Variants in TAF1B observed in about 807,000 individuals in gnomAD.
TAF1B encodes TATA box-binding protein-associated factor RNA polymerase I subunit B.
Under a neutral mutation model 83.9 loss-of-function variants are expected in TAF1B, and 61 were observed. The observed-to-expected ratio is 0.73, with a 90% confidence interval of 0.59 to 0.90. TAF1B has a LOEUF of 0.90. Ranked by LOEUF, TAF1B falls within the 40% of genes least tolerant of loss-of-function variation. TAF1B has a pLI of 0.00. For synonymous variants in TAF1B, 221 were observed against 224.6 expected (o/e 0.98, Z 0.14); for missense variants, 625 against 677.0 (o/e 0.92, Z 0.85).
intron 6 of TAF1B, 21 bp downstream of exon 6, chr2:9,868,450 A>T (rs750023827): frequency 6.3e-7 from 1 of 1,594,502 alleles, no homozygotes; most frequent in Admixed American, 1.8e-5. Context: ...GAACCAAACC[A>T]TTTCGAATTT....
intron 12 of TAF1B, 90 bp from the exon 13 acceptor site, chr2:9,918,951 A>C: frequency 8.8e-7 from 1 of 1,133,206 alleles, no homozygotes; most frequent in Non-Finnish European, 1.3e-6. Flanking sequence ...GCTATAACGA[A>C]ATATCAGAAA....
At chr2:9,906,164 A>G (rs1184022665) in intron 9 of TAF1B, among the ~76,000 whole-genome samples, 1 of 152,208 alleles carries the variant, frequency 6.6e-6, no homozygotes, top group Non-Finnish European at 1.5e-5. Flanking sequence ...AATACCAGGG[A>G]TTATCAAAAT....
At chr2:9,918,888 C>T (rs1227506414) in intron 12 of TAF1B, among the ~76,000 whole-genome samples, 153 bp from the exon 13 acceptor site, 1 of 152,166 alleles carries the variant, frequency 6.6e-6, no homozygotes, top group Non-Finnish European at 1.5e-5. Flanking sequence ...CCTTCTAGGG[C>T]CTAAGTTCAA....
intron 7 of TAF1B, among the ~76,000 whole-genome samples, chr2:9,878,073 G>A (rs1171492693): frequency 6.6e-6 from 1 of 152,116 alleles, no homozygotes; most frequent in East Asian, 1.9e-4. Context: ...TCAAAATGTG[G>A]CCTCCTGACT....
chr2:9,851,289 C>A (rs962852007), intron 3 of TAF1B, among the ~76,000 whole-genome samples: 2 of 151,780 alleles, frequency 1.3e-5, no homozygotes, highest in African/African-American at 4.8e-5. Context: ...CATTTGAAAT[C>A]GGAAATTATA....
intron 14 of TAF1B, among the ~76,000 whole-genome samples, chr2:9,927,781 G>A (rs566022946): frequency 6.6e-5 from 10 of 152,130 alleles, no homozygotes; most frequent in Non-Finnish European, 1.3e-4. Context: ...TTTGTCAGAT[G>A]GGTAGATTGA....
intron 6 of TAF1B, chr2:9,868,707 GAAAGA>G (rs1308824228): frequency 1.7e-6 from 1 of 574,208 alleles, no homozygotes; most frequent in Non-Finnish European, 3.4e-6. Context: ...GGCTGCTTCA[GAAAGA>G]TCTATATGTG....
intron 9 of TAF1B, among the ~76,000 whole-genome samples, chr2:9,908,459 A>G (rs1665418640): frequency 6.6e-6 from 1 of 152,224 alleles, no homozygotes; most frequent in Non-Finnish European, 1.5e-5. Flanking sequence ...TGTAGCTTCT[A>G]CAACCCAATA....
chr2:9,913,133 A>G, intron 11 of TAF1B, 26 bp from the exon 12 acceptor site: 1 of 1,560,376 alleles, frequency 6.4e-7, no homozygotes, highest in African/African-American at 1.4e-5. Flanking sequence ...TATTTGGTTA[A>G]TAATCTTGGA....
intron 8 of TAF1B, among the ~76,000 whole-genome samples, chr2:9,889,509 T>A (rs1270181406): frequency 2.0e-5 from 3 of 152,196 alleles, no homozygotes. Context: ...TTGGCTATAT[T>A]GACAGTATTT....
chr2:9,892,920 A>G (rs551017028), intron 8 of TAF1B, among the ~76,000 whole-genome samples: 11 of 152,298 alleles, frequency 7.2e-5, no homozygotes, highest in Admixed American at 4.6e-4. Flanking sequence ...CCTTGCCAAC[A>G]CTTACCTTTC....
chr2:9,912,973 A>G (rs1412327454), intron 11 of TAF1B, among the ~76,000 whole-genome samples, 186 bp from the exon 12 acceptor site: 1 of 152,198 alleles, frequency 6.6e-6, no homozygotes, highest in Non-Finnish European at 1.5e-5. Context: ...GTATGGAGTG[A>G]AAGAGTGAGG....
At chr2:9,887,634 T>C (rs559113630) in intron 8 of TAF1B, among the ~76,000 whole-genome samples, 3 of 152,280 alleles carry the variant, frequency 2.0e-5, no homozygotes, top group African/African-American at 7.2e-5. Flanking sequence ...TAAAGTGTTT[T>C]CTGGTAGTTA....
At chr2:9,931,539 T>C (rs529193137) in intron 14 of TAF1B, among the ~76,000 whole-genome samples, 44 of 152,342 alleles carry the variant, frequency 2.9e-4, no homozygotes, top group African/African-American at 9.1e-4. Flanking sequence ...AGAGATCAGC[T>C]GTTAGTCTGA....
intron 10 of TAF1B, 77 bp from the exon 11 acceptor site, chr2:9,911,434 C>G: frequency 8.6e-7 from 1 of 1,168,432 alleles, no homozygotes; most frequent in Non-Finnish European, 1.2e-6. Flanking sequence ...CTACACTTTT[C>G]TCTCAGAAGA....
At position 9,934,068 on chromosome 2, in the gene TAF1B, G is replaced by T; in HGVS notation, c.*84G>T. 9.2e-7 allele frequency: 1 copy of T among 1,085,872 alleles called. No individual in the cohort carries two copies. Among genetic ancestry groups the T allele is most frequent in the Non-Finnish European group, 1.3e-6 (1 of 763,154 alleles). 67.3% of individuals were successfully genotyped at this position (1,085,872 alleles called of 1,614,324 possible). A position where few individuals can be genotyped will look rare whatever the true frequency, so the allele number is the denominator to read the frequency against. On this transcript the variant is annotated 3_prime_UTR_variant, in exon 15 of 15. Transcript: ENST00000263663. The stretch of plus-strand genomic sequence containing the variant: ...TTAATATAACATTCCAGAGAATTGT[G>T]GAAAATACTGCATATATATGTATAG...
chr2:9,902,328 A>G (rs1486677819), intron 8 of TAF1B, among the ~76,000 whole-genome samples: 2 of 152,044 alleles, frequency 1.3e-5, no homozygotes, highest in Admixed American at 6.6e-5. Flanking sequence ...CATAACCTGA[A>G]CACAGCCACA....
chr2:9,897,117 A>C (rs1665042292), intron 8 of TAF1B, among the ~76,000 whole-genome samples: 1 of 152,216 alleles, frequency 6.6e-6, no homozygotes, highest in Non-Finnish European at 1.5e-5. Context: ...CTTTCAGTTT[A>C]CCTGGTAGAA....
intron 1 of TAF1B, 131 bp downstream of exon 1, chr2:9,843,690 C>T: frequency 1.9e-6 from 2 of 1,080,404 alleles, no homozygotes; most frequent in Middle Eastern, 3.2e-4. Context: ...GGGCGGAGGG[C>T]TGCAGGGCGG....
Sources: allele counts gnomAD v4.1 joint callset (sites outside exome capture counted in the v4.1 genomes callset), GRCh38; gene constraint gnomAD v4.1.1; transcripts MANE v1.5; gene names NCBI Gene and HGNC (gene_info 2026-07-23, HGNC 2026-07-21).